XYLT1: variants seen among roughly 807,000 people sequenced by gnomAD.
XYLT1 encodes beta-D-xylosyltransferase 1.
Under a neutral mutation model 91.3 loss-of-function variants are expected in XYLT1, and 36 were observed. The ratio of observed to expected loss-of-function variants is 0.39; its 90% CI spans 0.30 to 0.52. The LOEUF (loss-of-function observed/expected upper bound fraction) is 0.52. Ranked by LOEUF, XYLT1 falls within the 20% of genes least tolerant of loss-of-function variation. XYLT1 has a pLI of 0.68. For missense variants in XYLT1, 1,242 were observed against 1,284.5 expected (o/e 0.97, Z 0.51); for synonymous variants, 588 against 532.0 (o/e 1.11, Z -1.45).
chr16:17,123,883 T>G (rs1265642834), intron 10 of XYLT1, among the ~76,000 whole-genome samples: 1 of 152,218 alleles, frequency 6.6e-6, no homozygotes, highest in Non-Finnish European at 1.5e-5. Context: ...TATCATTATA[T>G]AATGTCCCTC....
At chr16:17,236,432 CAA>C (rs113892095) in intron 3 of XYLT1, among the ~76,000 whole-genome samples, 6 of 100,564 alleles carry the variant, frequency 6.0e-5, no homozygotes, top group Non-Finnish European at 1.1e-4. Flanking sequence ...ATGGAGAGTA[CAA>C]AAAAAAAAAA....
chr16:17,341,799 C>T (rs2035066726), intron 2 of XYLT1, among the ~76,000 whole-genome samples: 2 of 152,184 alleles, frequency 1.3e-5, no homozygotes, highest in South Asian at 4.1e-4. Context: ...GCTCTATCTC[C>T]TTTCAGAACA....
At chr16:17,260,136 C>T (rs974412752) in intron 2 of XYLT1, among the ~76,000 whole-genome samples, 2 of 151,572 alleles carry the variant, frequency 1.3e-5, no homozygotes. Flanking sequence ...TTGAGTTTGG[C>T]TCTTCATGTG....
chr16:17,118,300 A>ATGAATGAATGAG (rs1297809798), intron 10 of XYLT1, among the ~76,000 whole-genome samples: 11 of 152,102 alleles, frequency 7.2e-5, no homozygotes, highest in Non-Finnish European at 1.3e-4. Context: ...GAATGAATGA[A>ATGAATGAATGAG]TGAATGCATG....
chr16:17,247,743 G>C (rs1420162486), intron 3 of XYLT1, among the ~76,000 whole-genome samples: 1 of 152,174 alleles, frequency 6.6e-6, no homozygotes, highest in Non-Finnish European at 1.5e-5. Context: ...CAATGATAGT[G>C]AAACAGCCCA....
chr16:17,349,211 T>G (rs1429707158), intron 2 of XYLT1, among the ~76,000 whole-genome samples: 4 of 152,228 alleles, frequency 2.6e-5, no homozygotes, highest in African/African-American at 9.6e-5. Context: ...TCCAAGCCCA[T>G]GTGCTCTGGA....
rs536350963 is a variant in XYLT1, at chr16:17,158,978, G to A, written c.1290-69C>T. 8.2e-5 allele frequency: 114 copies of A among 1,396,904 alleles called. No homozygotes were observed. In the African/African-American group the frequency reaches 1.5e-3, roughly 19 times the overall value. The allele number at this position is 1,396,904 out of a possible 1,614,324, so 86.5% of individuals were successfully genotyped here. A position where few individuals can be genotyped will look rare whatever the true frequency, so the allele number is the denominator to read the frequency against. On this transcript the variant is annotated intron_variant, in intron 5 of 11. Coordinates refer to ENST00000261381, the MANE Select transcript of XYLT1 (RefSeq NM_022166.4). ...GTACTGTCTTTGTCACAGAAAGCAAGTTTCACCAATTATGTCAGTCTGCTT... is the reference window on the plus strand; with the variant it reads ...GTACTGTCTTTGTCACAGAAAGCAAATTTCACCAATTATGTCAGTCTGCTT...
intron 2 of XYLT1, among the ~76,000 whole-genome samples, chr16:17,275,598 G>A (rs1223459891): frequency 1.3e-5 from 2 of 152,128 alleles, no homozygotes; most frequent in East Asian, 3.9e-4. Context: ...TTTCTAGGTT[G>A]GTGCCACGCC....
intron 2 of XYLT1, among the ~76,000 whole-genome samples, chr16:17,322,480 T>C (rs2141831263): frequency 6.6e-6 from 1 of 152,286 alleles, no homozygotes; most frequent in East Asian, 1.9e-4. Flanking sequence ...GATAGGGTTT[T>C]AACAAGGGGT....
chr16:17,417,620 G>A (rs990291670), intron 1 of XYLT1, among the ~76,000 whole-genome samples: 5 of 152,098 alleles, frequency 3.3e-5, no homozygotes, highest in Admixed American at 2.0e-4. Context: ...CAAAGAAGCC[G>A]GCGTGTGCTA....
At chr16:17,133,575 G>T (rs956690301) in intron 9 of XYLT1, among the ~76,000 whole-genome samples, 1 of 152,188 alleles carries the variant, frequency 6.6e-6, no homozygotes, top group African/African-American at 2.4e-5. Flanking sequence ...ACTGAGCAGC[G>T]TGGAGAAATG....
intron 3 of XYLT1, among the ~76,000 whole-genome samples, chr16:17,243,720 T>C (rs763103219): frequency 6.6e-6 from 1 of 152,094 alleles, no homozygotes; most frequent in Non-Finnish European, 1.5e-5. Flanking sequence ...CAGCAATCAA[T>C]GTGAGGTGTC....
At chr16:17,346,007 C>T (rs913728962) in intron 2 of XYLT1, among the ~76,000 whole-genome samples, 8 of 152,074 alleles carry the variant, frequency 5.3e-5, no homozygotes, top group African/African-American at 1.2e-4. Flanking sequence ...GACGGGGTCT[C>T]GCCATGTTGG....
rs1005348403 is a variant in XYLT1, at chr16:17,326,643, G to A, written c.402+31369C>T. 6.6e-5 allele frequency among the ~76,000 whole-genome samples: 10 copies of A among 151,978 alleles called. No homozygotes were observed. In the East Asian group the frequency reaches 1.9e-3, roughly 29 times the overall value. ...TCGAGACCATCCTGGCTGAAACGGT[G>A]AAACCCCTTATCTATTAAAAAATAC... On this transcript the variant is annotated intron_variant, in intron 2 of 11. Transcript: ENST00000261381.
intron 9 of XYLT1, among the ~76,000 whole-genome samples, chr16:17,129,742 G>A (rs2030400726): frequency 6.6e-6 from 1 of 152,140 alleles, no homozygotes; most frequent in Non-Finnish European, 1.5e-5. Flanking sequence ...ATTTTAAATT[G>A]TATTTAGTTT....
At chr16:17,171,784 A>C (rs968252873) in intron 5 of XYLT1, among the ~76,000 whole-genome samples, 22 of 152,242 alleles carry the variant, frequency 1.4e-4, no homozygotes. Flanking sequence ...TTCCTTACTG[A>C]GGACTCACTT....
At chr16:17,157,694 G>A (rs531958676) in intron 6 of XYLT1, among the ~76,000 whole-genome samples, 42 of 152,208 alleles carry the variant, frequency 2.8e-4, no homozygotes, top group Non-Finnish European at 4.7e-4. Context: ...TTCAATGCTA[G>A]AACAAGACCC....
rs2036982689 is a variant in XYLT1 at position 17,470,856 on chromosome 16, G to T, written c.-60C>A. The T allele has an allele frequency of 1.0e-6, 1 of 982,482 alleles. No individual in the cohort carries two copies. Among genetic ancestry groups the T allele is most frequent in the East Asian group, 1.1e-4 (1 of 8,772 alleles). 60.9% of individuals were successfully genotyped at this position (982,482 alleles called of 1,614,324 possible). On this transcript the variant is annotated 5_prime_UTR_variant, in exon 1 of 12. Coordinates refer to ENST00000261381, the MANE Select transcript of XYLT1 (RefSeq NM_022166.4). ...CCCCGGCACGCTCCGGGCCGCCCCC[G>T]CGCTCCCCGCAGCTCCCGCGGCCGC...
intron 1 of XYLT1, among the ~76,000 whole-genome samples, chr16:17,370,479 G>T (rs1261741381): frequency 6.6e-6 from 1 of 152,192 alleles, no homozygotes; most frequent in Non-Finnish European, 1.5e-5. Context: ...TCTGCGGGGA[G>T]GGCAGGATGA....
Sources: allele counts gnomAD v4.1 joint callset (sites outside exome capture counted in the v4.1 genomes callset), GRCh38; gene constraint gnomAD v4.1.1; transcripts MANE v1.5; gene names NCBI Gene and HGNC (gene_info 2026-07-23, HGNC 2026-07-21).